CHRM5: variants seen among roughly 807,000 people sequenced by gnomAD.
CHRM5 encodes muscarinic acetylcholine receptor M5.
CHRM5 carries 18 observed loss-of-function variants against 39.0 expected under a neutral mutation model. That is an observed-to-expected ratio of 0.46 (90% CI 0.32 to 0.68). The LOEUF is 0.68. CHRM5 is among the 30% of genes least tolerant of loss of function. The pLI is 0.04. For synonymous variants in CHRM5, 241 were observed against 246.3 expected, an observed-to-expected ratio of 0.98 and a Z score of 0.20; for missense variants, 515 against 651.1, an observed-to-expected ratio of 0.79 and a Z score of 2.28.
At chr15:33,987,361 A>G (rs976512520) in intron 1 of CHRM5, among the ~76,000 whole-genome samples, 1 of 152,226 alleles carries the variant, frequency 6.6e-6, no homozygotes, top group Non-Finnish European at 1.5e-5. Flanking sequence ...ATTTAACAAA[A>G]GGGGAAGGGA....
chr15:33,982,779 G>A (rs914237470), intron 1 of CHRM5, among the ~76,000 whole-genome samples: 2 of 145,374 alleles, frequency 1.4e-5, no homozygotes, highest in Admixed American at 6.7e-5. Context: ...CTTATGAATC[G>A]AAAAACACAT....
chr15:33,978,450 G>A (rs1030420675), intron 1 of CHRM5, among the ~76,000 whole-genome samples: 2 of 152,142 alleles, frequency 1.3e-5, no homozygotes, highest in Non-Finnish European at 2.9e-5. Flanking sequence ...GATCACCTGA[G>A]GTCAGGAGTT....
chr15:34,047,545 C>T (rs991847053), intron 2 of CHRM5, among the ~76,000 whole-genome samples: 1 of 152,168 alleles, frequency 6.6e-6, no homozygotes, highest in African/African-American at 2.4e-5. Context: ...CTTGGAATTC[C>T]AGCCAGCCAA....
chr15:34,001,201 T>C (rs533498065), intron 1 of CHRM5, among the ~76,000 whole-genome samples: 66 of 151,886 alleles, frequency 4.3e-4, no homozygotes, highest in African/African-American at 1.3e-3. Context: ...TTTGTGTTTT[T>C]AGTAGAAACG....
chr15:34,025,662 A>T (rs1898423924), intron 1 of CHRM5, among the ~76,000 whole-genome samples: 1 of 152,176 alleles, frequency 6.6e-6, no homozygotes, highest in East Asian at 1.9e-4. Context: ...ATACACATTG[A>T]AGTGTTTAGG....
intron 1 of CHRM5, among the ~76,000 whole-genome samples, chr15:34,032,625 G>T (rs1898909300): frequency 6.6e-6 from 1 of 151,738 alleles, no homozygotes; most frequent in African/African-American, 2.4e-5. Flanking sequence ...CACATACCTA[G>T]GGGTTCAGAA....
At chr15:33,975,832 A>G (rs1380487095) in intron 1 of CHRM5, among the ~76,000 whole-genome samples, 1 of 152,216 alleles carries the variant, frequency 6.6e-6, no homozygotes, top group Non-Finnish European at 1.5e-5. Context: ...CGGGAGGCTG[A>G]GGCAGAAGAA....
intron 1 of CHRM5, among the ~76,000 whole-genome samples, chr15:34,033,799 T>C (rs1294931754): frequency 1.3e-5 from 2 of 152,178 alleles, no homozygotes; most frequent in Non-Finnish European, 2.9e-5. Flanking sequence ...TTTTTTGTTT[T>C]TTGTTTTGAG....
intron 1 of CHRM5, among the ~76,000 whole-genome samples, chr15:34,016,413 C>G (rs951506148): frequency 2.0e-5 from 3 of 152,162 alleles, no homozygotes; most frequent in African/African-American, 4.8e-5. Flanking sequence ...CTGACCTCTC[C>G]ATCTCACCTG....
chr15:34,006,412 T>C (rs930731426), intron 1 of CHRM5, among the ~76,000 whole-genome samples: 3 of 152,202 alleles, frequency 2.0e-5, no homozygotes, highest in African/African-American at 4.8e-5. Flanking sequence ...AATATTCTTT[T>C]GTTGGCCCAT....
chr15:34,053,319 A>AAAATATATAT (rs775436850), intron 2 of CHRM5, among the ~76,000 whole-genome samples: 11 of 42,068 alleles, frequency 2.6e-4, no homozygotes, highest in African/African-American at 8.8e-4. Context: ...AAAAAAAAAA[A>AAAATATATAT]ATATATATAT....
intron 1 of CHRM5, among the ~76,000 whole-genome samples, chr15:33,997,113 TAGG>T (rs1896967752): frequency 1.3e-5 from 2 of 152,124 alleles, no homozygotes; most frequent in Non-Finnish European, 1.5e-5. Flanking sequence ...CTAGAAAATA[TAGG>T]AGAACATCTT....
chr15:34,037,700 G>A (rs918586824), intron 1 of CHRM5, among the ~76,000 whole-genome samples: 1 of 151,668 alleles, frequency 6.6e-6, no homozygotes, highest in Non-Finnish European at 1.5e-5. Flanking sequence ...TTCAAGTTTT[G>A]CCTATTACCT....
intron 1 of CHRM5, among the ~76,000 whole-genome samples, chr15:33,997,433 G>A (rs528463947): frequency 1.3e-5 from 2 of 152,116 alleles, no homozygotes; most frequent in Non-Finnish European, 2.9e-5. Context: ...CTAAGGAAAT[G>A]TAAACTAAAA....
chr15:34,020,913 C>T (rs1402340601), intron 1 of CHRM5, among the ~76,000 whole-genome samples: 2 of 152,236 alleles, frequency 1.3e-5, no homozygotes, highest in Non-Finnish European at 2.9e-5. Flanking sequence ...TCCTTTTAAG[C>T]ACCTACCTTA....
intron 1 of CHRM5, among the ~76,000 whole-genome samples, chr15:33,987,368 G>C (rs1299164548): frequency 6.6e-6 from 1 of 152,136 alleles, no homozygotes; most frequent in Non-Finnish European, 1.5e-5. Flanking sequence ...AAAAGGGGAA[G>C]GGAAAGGGAA....
chr15:33,988,974 G>C (rs1459237281), intron 1 of CHRM5, among the ~76,000 whole-genome samples: 1 of 151,126 alleles, frequency 6.6e-6, no homozygotes, highest in East Asian at 1.9e-4. Context: ...TTTTTCCTTT[G>C]TCTTTACAGC....
chr15:34,019,157 C>G (rs994818283), intron 1 of CHRM5, among the ~76,000 whole-genome samples: 3 of 152,236 alleles, frequency 2.0e-5, no homozygotes, highest in African/African-American at 7.2e-5. Flanking sequence ...CCCCACTCAA[C>G]CCAGTAAGTC....
In CHRM5 at chr15:34,064,303, G is replaced by A. The variant is rs1163204283; in HGVS notation, c.1586G>A (p.Ser529Asn). The change falls in exon 3 of 3, where the codon AGC (serine) becomes AAC (asparagine). Residue 529 changes from serine to asparagine, a missense_variant. Coordinates refer to ENST00000383263, the MANE Select transcript of CHRM5 (RefSeq NM_012125.4). ...GAGAAGTTGTACTGGCAGGGGAACAGCAAGCTACCCTGAAAAGTCAACAAC... is the reference window on the plus strand; with the variant it reads ...GAGAAGTTGTACTGGCAGGGGAACAACAAGCTACCCTGAAAAGTCAACAAC... ...VEEKLYWQGN[S>N]KLP 2 of 1,612,282 alleles carry A rather than the reference G, an allele frequency of 1.2e-6. No homozygotes were observed. Among genetic ancestry groups the A allele is most frequent in the Non-Finnish European group, 1.7e-6 (2 of 1,179,200 alleles).
Sources: gnomAD v4.1 joint callset for allele counts (sites outside exome capture counted in the v4.1 genomes callset) on GRCh38, gnomAD v4.1.1 for gene constraint, MANE v1.5 for transcripts, NCBI Gene and HGNC (gene_info 2026-07-23, HGNC 2026-07-21) for gene names.